Variants in IL1RAPL2 observed in about 807,000 individuals in gnomAD.
The protein encoded by IL1RAPL2 is X-linked interleukin-1 receptor accessory protein-like 2.
IL1RAPL2 carries 3 observed loss-of-function variants against 44.1 expected under a neutral mutation model. That is an observed-to-expected ratio of 0.07 (90% CI 0.03 to 0.18). IL1RAPL2 has a LOEUF of 0.18. IL1RAPL2 is among the 10% of genes least tolerant of loss of function. The pLI is 1.00. For missense variants in IL1RAPL2, 391 were observed against 496.4 expected (o/e 0.79, Z 2.02); for synonymous variants, 181 against 178.8 (o/e 1.01, Z -0.10).
intron 3 of IL1RAPL2, among the ~76,000 whole-genome samples, chrX:105,199,518 C>T (rs781990367): frequency 9.0e-6 from 1 of 111,068 alleles, no homozygotes; most frequent in African/African-American, 3.3e-5. Flanking sequence ...TCTCAGCTAA[C>T]AGTCTATTTG....
At chrX:105,024,649 A>G (rs1324140746) in intron 2 of IL1RAPL2, among the ~76,000 whole-genome samples, 1 of 111,494 alleles carries the variant, frequency 9.0e-6, no homozygotes, top group Non-Finnish European at 1.9e-5. Context: ...TATTTGTTAT[A>G]CTTCTCCAAT....
In IL1RAPL2 at chrX:104,585,220, G is replaced by GA. The variant is rs1569487890; in HGVS notation, c.-20+18169_-20+18170insA. On this transcript the variant is annotated intron_variant, in intron 1 of 10. Coordinates refer to ENST00000372582, the MANE Select transcript of IL1RAPL2 (RefSeq NM_017416.2). ...ATATGTATTATATATACACATATAT[G>GA]TATATATGTGTATATATATAATATA... 2.2e-3 allele frequency among the ~76,000 whole-genome samples: 102 copies of GA among 46,394 alleles called. 9 individuals carry two copies. Among genetic ancestry groups the GA allele is most frequent in the African/African-American group, 0.012 (97 of 8,433 alleles). The allele number at this position is 46,394 out of a possible 115,157, so 40.3% of individuals were successfully genotyped here. A position where few individuals can be genotyped will look rare whatever the true frequency, so the allele number is the denominator to read the frequency against.
chrX:105,543,348 GA>G (rs1197983987), intron 6 of IL1RAPL2, among the ~76,000 whole-genome samples: 1 of 112,412 alleles, frequency 8.9e-6, no homozygotes, highest in Non-Finnish European at 1.9e-5. Flanking sequence ...CAAATAGGTT[GA>G]AAAAGTATTT....
intron 5 of IL1RAPL2, among the ~76,000 whole-genome samples, chrX:105,294,241 G>A (rs1364727227): frequency 8.9e-6 from 1 of 112,165 alleles, no homozygotes; most frequent in Non-Finnish European, 1.9e-5. Flanking sequence ...AAATAAGCCT[G>A]TTCTGTAAGA....
At chrX:105,307,116 C>T (rs1311969954) in intron 5 of IL1RAPL2, among the ~76,000 whole-genome samples, 1 of 108,298 alleles carries the variant, frequency 9.2e-6, no homozygotes, top group Non-Finnish European at 1.9e-5. Context: ...AGAATTCATT[C>T]ACTATCACAA....
intron 2 of IL1RAPL2, among the ~76,000 whole-genome samples, chrX:104,964,057 TACTC>T (rs1014630786): frequency 9.1e-6 from 1 of 110,231 alleles, no homozygotes; most frequent in Non-Finnish European, 1.9e-5. Context: ...GAGCACATGT[TACTC>T]AAAATTCATT....
In IL1RAPL2 at chrX:104,975,843, G is replaced by A. The variant is rs144845269; in HGVS notation, c.83-219632G>A. On this transcript the variant is annotated intron_variant, in intron 2 of 10. Transcript: ENST00000372582. Reference sequence around the variant, plus strand: ...AGGTGGCTGGTGCCTGATGACCTTGGGGTGAGATCCTTTGTTAGAGAACTG... The same window carrying A: ...AGGTGGCTGGTGCCTGATGACCTTGAGGTGAGATCCTTTGTTAGAGAACTG... Among the ~76,000 whole-genome samples the A allele has an allele frequency of 5.4e-3, 604 of 111,095 alleles. 2 individuals are homozygous for A. The highest frequency in any genetic ancestry group is 0.019 in the African/African-American group (574 of 30,555).
intron 2 of IL1RAPL2, among the ~76,000 whole-genome samples, chrX:105,078,491 TGAG>T (rs2032347118): frequency 8.9e-6 from 1 of 112,251 alleles, no homozygotes; most frequent in East Asian, 2.8e-4. Context: ...GGGACCCACT[TGAG>T]GAGGCAGTCT....
At chrX:104,813,258 C>T (rs773029965) in intron 2 of IL1RAPL2, among the ~76,000 whole-genome samples, 17 of 111,182 alleles carry the variant, frequency 1.5e-4, no homozygotes, top group Non-Finnish European at 3.2e-4. Flanking sequence ...CTTTAGGAAA[C>T]AGTATGCATG....
At chrX:104,856,594 T>C (rs1382655681) in intron 2 of IL1RAPL2, among the ~76,000 whole-genome samples, 1 of 111,990 alleles carries the variant, frequency 8.9e-6, no homozygotes, top group African/African-American at 3.2e-5. Flanking sequence ...AGCATATGTA[T>C]ACTTAATCCT....
chrX:104,643,836 G>T (rs182589457), intron 1 of IL1RAPL2, among the ~76,000 whole-genome samples: 11 of 111,652 alleles, frequency 9.9e-5, no homozygotes, highest in Middle Eastern at 4.7e-3. Flanking sequence ...TGAATTAATT[G>T]ATTTGCCTCC....
intron 2 of IL1RAPL2, among the ~76,000 whole-genome samples, chrX:104,849,371 T>TATATATATATATATA (rs1298461170): frequency 2.7e-4 from 26 of 96,263 alleles, no homozygotes; most frequent in Non-Finnish European, 3.6e-4. Context: ...TATATATGGA[T>TATATATATATATATA]TACTTACGGA....
intron 2 of IL1RAPL2, among the ~76,000 whole-genome samples, chrX:104,923,388 A>G (rs1253122761): frequency 1.8e-5 from 2 of 111,838 alleles, no homozygotes; most frequent in African/African-American, 6.5e-5. Context: ...TGAAAGAACA[A>G]ATCTTAAAAG....
chrX:104,706,063 A>G (rs775985669), intron 2 of IL1RAPL2, among the ~76,000 whole-genome samples: 1 of 111,440 alleles, frequency 9.0e-6, no homozygotes, highest in Non-Finnish European at 1.9e-5. Context: ...TCAAGAAAGT[A>G]TAGTGGTCCT....
intron 6 of IL1RAPL2, among the ~76,000 whole-genome samples, chrX:105,635,531 T>C (rs775612934): frequency 8.9e-6 from 1 of 111,777 alleles, no homozygotes; most frequent in South Asian, 3.7e-4. Context: ...TTATAGTAGA[T>C]TAGCTTGCTA....
intron 6 of IL1RAPL2, among the ~76,000 whole-genome samples, chrX:105,625,420 G>C (rs939185650): frequency 2.7e-5 from 3 of 112,016 alleles, no homozygotes; most frequent in Non-Finnish European, 3.8e-5. Context: ...TGGGAGCACA[G>C]AGGAAGAAAT....
intron 4 of IL1RAPL2, among the ~76,000 whole-genome samples, chrX:105,240,039 A>G (rs60477924): frequency 0.022 from 2,512 of 112,458 alleles, 60 homozygotes; most frequent in African/African-American, 0.078. Context: ...CTTCCCAGGA[A>G]TACGGGTTTG....
intron 2 of IL1RAPL2, among the ~76,000 whole-genome samples, chrX:104,921,541 T>C (rs1452072765): frequency 8.9e-6 from 1 of 112,210 alleles, no homozygotes; most frequent in African/African-American, 3.2e-5. Context: ...TCCTTGACCT[T>C]GAGGGGCCAG....
chrX:105,388,248 C>G (rs1342868137), intron 5 of IL1RAPL2, among the ~76,000 whole-genome samples: 1 of 94,512 alleles, frequency 1.1e-5, no homozygotes, highest in East Asian at 3.7e-4. Flanking sequence ...CTGACTATGT[C>G]GGCAGCCACA....
Sources: gnomAD v4.1 joint callset for allele counts (sites outside exome capture counted in the v4.1 genomes callset) on GRCh38, gnomAD v4.1.1 for gene constraint, MANE v1.5 for transcripts, NCBI Gene and HGNC (gene_info 2026-07-23, HGNC 2026-07-21) for gene names.